Variants in CELF6 observed in about 807,000 individuals in gnomAD.
CELF6 encodes Bruno -like 6, RNA binding protein.
Under a neutral mutation model 53.1 loss-of-function variants are expected in CELF6, and 32 were observed. That is an observed-to-expected ratio of 0.60 (90% CI 0.46 to 0.81). The LOEUF (loss-of-function observed/expected upper bound fraction) is 0.81. CELF6 is among the 30% of genes least tolerant of loss of function. CELF6 has a pLI of 0.00. For synonymous variants in CELF6, 291 were observed against 288.8 expected (o/e 1.01, Z -0.08); for missense variants, 539 against 669.5 (o/e 0.81, Z 2.15).
chr15:72,287,177 C>A, intron 12 of CELF6, 60 bp downstream of exon 12: 2 of 1,502,218 alleles, frequency 1.3e-6, no homozygotes, highest in South Asian at 2.6e-5. Context: ...GGAGGACCAT[C>A]AAAGCTGGGA....
rs79563069 is a variant in CELF6, at chr15:72,303,766, C to G, written c.394+980G>C. Among the ~76,000 whole-genome samples, 361 of 152,268 alleles carry G rather than the reference C, an allele frequency of 2.4e-3. 4 individuals are homozygous for G. The East Asian group carries it at 0.046, about 19-fold the overall frequency. On this transcript the variant is annotated intron_variant, in intron 3 of 12. Coordinates refer to ENST00000287202, the MANE Select transcript of CELF6 (RefSeq NM_052840.5). ...AAACACCAAGAACTGACACCAGAAT[C>G]CAGCCTTGCCTTTACAGCTTGGAAG...
chr15:72,311,323 G>A (rs1256455388), intron 2 of CELF6, among the ~76,000 whole-genome samples: 1 of 150,878 alleles, frequency 6.6e-6, no homozygotes, highest in Non-Finnish European at 1.5e-5. Flanking sequence ...GTTTGACTCT[G>A]GGACTCCCTC....
chr15:72,319,655 C>T lies in CELF6; in HGVS notation c.220G>A (p.Glu74Lys), dbSNP rs1395120694. ...PLFEEFGRIY[E>K]LTVLKDRLTG... ...AGCCGGTCCTTCAGCACCGTCAGCT[C>T]GTAGATGCGGCCGAACTCCTCGAAC... Residue 74 changes from glutamate (E) to lysine (K), a missense_variant, in exon 1 of 13, where the codon GAG becomes AAG. By Grantham distance (56) the Glu-to-Lys change is moderately conservative. Around this residue, in one of 3 missense-constraint regions of CELF6, gnomAD observed 97 missense variants for 168.8 expected, o/e 0.57. Coordinates refer to ENST00000287202, the MANE Select transcript of CELF6 (RefSeq NM_052840.5). The surrounding 1 kb of genome is among the most constrained non-coding windows in gnomAD (Gnocchi z 5.0). The T allele has an allele frequency of 6.3e-7, 1 of 1,576,280 alleles. No homozygotes were observed. Among genetic ancestry groups the T allele is most frequent in the Non-Finnish European group, 8.6e-7 (1 of 1,160,220 alleles).
intron 3 of CELF6, among the ~76,000 whole-genome samples, chr15:72,297,588 A>C (rs1006924150): frequency 6.6e-6 from 1 of 152,252 alleles, no homozygotes; most frequent in Non-Finnish European, 1.5e-5. Context: ...AAATTCTGAC[A>C]CATCCTACAA....
intron 2 of CELF6, among the ~76,000 whole-genome samples, chr15:72,307,230 A>G (rs1044181360): frequency 6.6e-6 from 1 of 151,438 alleles, no homozygotes; most frequent in Non-Finnish European, 1.5e-5. Flanking sequence ...GCTCTGGGGG[A>G]CGCCACCTTC....
chr15:72,310,668 T>C (rs1391279149), intron 2 of CELF6, among the ~76,000 whole-genome samples: 2 of 151,866 alleles, frequency 1.3e-5, no homozygotes, highest in African/African-American at 4.8e-5. Context: ...TTTAAAAAAC[T>C]TTTGTAGAGA....
At chr15:72,317,362 G>A (rs1223267309) in intron 1 of CELF6, among the ~76,000 whole-genome samples, 1 of 152,202 alleles carries the variant, frequency 6.6e-6, no homozygotes, top group African/African-American at 2.4e-5. Flanking sequence ...GATTAGAAAG[G>A]CAAATGGGAA....
chr15:72,291,950 G>A (rs991427645), intron 3 of CELF6, among the ~76,000 whole-genome samples: 2 of 152,312 alleles, frequency 1.3e-5, no homozygotes, highest in East Asian at 1.9e-4. Flanking sequence ...CCTGGTGGGT[G>A]TACTTTGCTT....
At position 72,288,657 on chromosome 15, in the gene CELF6, G is replaced by C. The variant is rs140846344; in HGVS notation, c.1094-39C>G. On this transcript the variant is annotated intron_variant, in intron 9 of 12. Transcript: ENST00000287202. This position sits in a 1 kb window ranked among gnomAD's most constrained non-coding sequence, Gnocchi z 4.6. The stretch of plus-strand genomic sequence containing the variant: ...TGGGAGTGGACAGTGATCCCCAGGA[G>C]CCCTTCCCCAAGCAGGGCCCCAACT... 1 of 1,539,856 alleles carries C rather than the reference G, an allele frequency of 6.5e-7. No individual in the cohort carries two copies. The highest frequency in any genetic ancestry group is 8.8e-7 in the Non-Finnish European group (1 of 1,138,344).
At chr15:72,292,531 A>G (rs916097898) in intron 3 of CELF6, among the ~76,000 whole-genome samples, 11 of 152,356 alleles carry the variant, frequency 7.2e-5, no homozygotes, top group Non-Finnish European at 1.2e-4. Flanking sequence ...TGGCACCCCA[A>G]TAAGATATCA....
Position 72,289,315 on chromosome 15 carries a change from G to A in CELF6, c.881-28C>T. On this transcript the variant is annotated intron_variant, in intron 7 of 12. Transcript: ENST00000287202. The surrounding 1 kb of genome is among the most constrained non-coding windows in gnomAD (Gnocchi z 7.6). ...GATGGCGGAAAAGGTCTGAGAGTCA[G>A]GCCGCCACCCCGCCCCGCCCGGCCC... The A allele has an allele frequency of 3.2e-6, 5 of 1,543,318 alleles. No homozygotes were observed. Among genetic ancestry groups the A allele is most frequent in the Non-Finnish European group, 4.3e-6 (5 of 1,151,778 alleles).
chr15:72,320,006 G>C lies in CELF6; in HGVS notation c.-132C>G. 2 of 997,662 alleles carry C rather than the reference G, an allele frequency of 2.0e-6. No homozygotes were observed. The allele number at this position is 997,662 out of a possible 1,614,324, so 61.8% of individuals were successfully genotyped here. ...GGAGAGGGCGGGGGGCTGCCCAGGG[G>C]GCGGGGTCCGGGTGGAGGGGCGTAG... On this transcript the variant is annotated 5_prime_UTR_variant, in exon 1 of 13. Transcript: ENST00000287202.
rs1387091464 is a variant in CELF6, at chr15:72,319,078, G to A, written c.262+535C>T. 2.0e-5 allele frequency among the ~76,000 whole-genome samples: 3 copies of A among 152,040 alleles called. No individual in the cohort carries two copies. Among genetic ancestry groups the A allele is most frequent in the African/African-American group, 7.3e-5 (3 of 41,378 alleles). ...GGGTTCTGAAGAAGGGGAGGGTTTG[G>A]GTCTGCGGTGTTTTAGGTTGGCAGT... On this transcript the variant is annotated intron_variant, in intron 1 of 12. Coordinates refer to ENST00000287202, the MANE Select transcript of CELF6 (RefSeq NM_052840.5). The surrounding 1 kb of genome is among the most constrained non-coding windows in gnomAD (Gnocchi z 5.0).
chr15:72,289,821 C>A lies in CELF6; in HGVS notation c.604-51G>T, dbSNP rs1437177854. The A allele has an allele frequency of 1.4e-6, 2 of 1,468,030 alleles. No individual in the cohort carries two copies. The highest frequency in any genetic ancestry group is 2.4e-5 in the Admixed American group (1 of 42,334). The allele number at this position is 1,468,030 out of a possible 1,614,324, so 90.9% of individuals were successfully genotyped here. Reference sequence around the variant, plus strand: ...TGACCGGTCCTGACCCTGGCCCCGGCCCGGGGCCGAGCGCCTTTCCCATCA... The same window carrying A: ...TGACCGGTCCTGACCCTGGCCCCGGACCGGGGCCGAGCGCCTTTCCCATCA... On this transcript the variant is annotated intron_variant, in intron 5 of 12. Coordinates refer to ENST00000287202, the MANE Select transcript of CELF6 (RefSeq NM_052840.5). This position sits in a 1 kb window ranked among gnomAD's most constrained non-coding sequence, Gnocchi z 7.6.
chr15:72,316,056 C>T, intron 1 of CELF6, 129 bp from the exon 2 acceptor site: 3 of 614,944 alleles, frequency 4.9e-6, no homozygotes, highest in Non-Finnish European at 8.5e-6. Context: ...CTGAGAAGCC[C>T]TCTCTGCCTC....
At chr15:72,304,222 G>T (rs903961320) in intron 3 of CELF6, among the ~76,000 whole-genome samples, 1 of 152,130 alleles carries the variant, frequency 6.6e-6, no homozygotes, top group Non-Finnish European at 1.5e-5. Flanking sequence ...AAACAGTGTA[G>T]CTATCAGAGC....
chr15:72,307,513 A>G (rs891981014), intron 2 of CELF6, among the ~76,000 whole-genome samples: 9 of 152,122 alleles, frequency 5.9e-5, no homozygotes, highest in African/African-American at 2.2e-4. Flanking sequence ...CTTTACATAC[A>G]TTGTCTCTAA....
chr15:72,308,571 G>T (rs2088259207), intron 2 of CELF6, among the ~76,000 whole-genome samples: 1 of 152,186 alleles, frequency 6.6e-6, no homozygotes, highest in Non-Finnish European at 1.5e-5. Context: ...AAACTGAAAG[G>T]TAGGCAAGGG....
At position 72,289,679 on chromosome 15, in the gene CELF6, G is replaced by C; in HGVS notation, c.695C>G (p.Ala232Gly). ...RMQQMAGHLG[A>G]FHPAPLPLGA... ...TAGCGGCAGTGGCGCGGGGTGGAAG[G>C]CGCCCAGGTGGCCGGCCATCTGCTG... Residue 232 changes from alanine to glycine, a missense_variant, in exon 6 of 13, where the codon GCC (alanine) becomes GGC (glycine). Coordinates refer to ENST00000287202, the MANE Select transcript of CELF6 (RefSeq NM_052840.5). This position sits in a 1 kb window ranked among gnomAD's most constrained non-coding sequence, Gnocchi z 7.6. 6.7e-7 allele frequency: 1 copy of C among 1,492,472 alleles called. No individual in the cohort carries two copies. Among genetic ancestry groups the C allele is most frequent in the South Asian group, 1.3e-5 (1 of 79,114 alleles). The allele number at this position is 1,492,472 out of a possible 1,614,324, so 92.5% of individuals were successfully genotyped here. A position where few individuals can be genotyped will look rare whatever the true frequency, so the allele number is the denominator to read the frequency against.
Sources: gnomAD v4.1 joint callset for allele counts (sites outside exome capture counted in the v4.1 genomes callset) on GRCh38, gnomAD v4.1.1 for gene constraint, gnomAD v4.1.1 regional missense constraint, Gnocchi (gnomAD v3.1) non-coding constraint, MANE v1.5 for transcripts, NCBI Gene and HGNC (gene_info 2026-07-23, HGNC 2026-07-21) for gene names.